The following PCDH19 variants were observed in gnomAD, a reference collection of about 807,000 sequenced individuals.
PCDH19 encodes protocadherin 19.
In PCDH19, 6 loss-of-function variants were observed where a neutral mutation model predicts 46.2. The ratio of observed to expected loss-of-function variants is 0.13; its 90% CI spans 0.07 to 0.26. The LOEUF (loss-of-function observed/expected upper bound fraction) is 0.26, where lower values mean the gene tolerates loss of function less well. Among genes scored for constraint, PCDH19 ranks in the 10% least tolerant of loss-of-function variants. PCDH19 has a pLI of 1.00. For synonymous variants in PCDH19, 481 were observed against 415.7 expected (o/e 1.16, Z -1.91); for missense variants, 740 against 972.3 (o/e 0.76, Z 3.18).
chrX:100,405,258 G>A (rs1047159533), intron 1 of PCDH19, among the ~76,000 whole-genome samples: 1 of 112,330 alleles, frequency 8.9e-6, no homozygotes. Context: ...ACACACTGAT[G>A]TGTAGGTGTG....
At chrX:100,343,291 C>T (rs1209625125) in intron 4 of PCDH19, among the ~76,000 whole-genome samples, 1 of 111,384 alleles carries the variant, frequency 9.0e-6, no homozygotes, top group Non-Finnish European at 1.9e-5. Flanking sequence ...AAGCCCATAC[C>T]TTACAATAAA....
chrX:100,305,372 A>G (rs1358636855), intron 5 of PCDH19, among the ~76,000 whole-genome samples: 1 of 111,794 alleles, frequency 8.9e-6, no homozygotes, highest in Non-Finnish European at 1.9e-5. Context: ...ACAAATGCTG[A>G]CAGAATTCGC....
chrX:100,356,546 G>A (rs1251187289), intron 3 of PCDH19, among the ~76,000 whole-genome samples: 1 of 111,367 alleles, frequency 9.0e-6, no homozygotes, highest in Non-Finnish European at 1.9e-5. Flanking sequence ...TAAAGCTGAC[G>A]TGCCTCCAGC....
intron 3 of PCDH19, among the ~76,000 whole-genome samples, chrX:100,389,773 T>A (rs1261517697): frequency 1.8e-5 from 2 of 111,988 alleles, no homozygotes; most frequent in Non-Finnish European, 3.8e-5. Context: ...GCTTATTTTT[T>A]AATTTAGTTT....
chrX:100,403,040 A>T (rs1013529022), intron 2 of PCDH19, among the ~76,000 whole-genome samples, 189 bp from the exon 3 acceptor site: 2 of 111,324 alleles, frequency 1.8e-5, no homozygotes, highest in African/African-American at 3.3e-5. Context: ...TAAACTTTTC[A>T]TATTAAACAT....
intron 5 of PCDH19, among the ~76,000 whole-genome samples, chrX:100,331,338 G>A (rs1184224958): frequency 4.5e-5 from 5 of 111,745 alleles, no homozygotes; most frequent in Non-Finnish European, 9.4e-5. Context: ...GGTCTATGGG[G>A]TTCCACTTTG....
At chrX:100,392,043 G>C (rs1927879204) in intron 3 of PCDH19, among the ~76,000 whole-genome samples, 1 of 111,727 alleles carries the variant, frequency 9.0e-6, no homozygotes, top group Non-Finnish European at 1.9e-5. Context: ...TACAGGTACG[G>C]ATTTTTCTCC....
chrX:100,300,204 G>C (rs1050115824), intron 5 of PCDH19, among the ~76,000 whole-genome samples: 2 of 112,204 alleles, frequency 1.8e-5, no homozygotes, highest in Admixed American at 1.9e-4. Flanking sequence ...AAATTGTGTA[G>C]TAAATGTGAG....
At chrX:100,397,012 TG>T (rs1928045488) in intron 3 of PCDH19, among the ~76,000 whole-genome samples, 2 of 111,920 alleles carry the variant, frequency 1.8e-5, no homozygotes, top group Admixed American at 9.4e-5. Context: ...CTAAAGGGTT[TG>T]TTGGTTTCTT....
intron 3 of PCDH19, among the ~76,000 whole-genome samples, chrX:100,395,709 C>T (rs753475902): frequency 1.8e-5 from 2 of 113,236 alleles, no homozygotes; most frequent in Admixed American, 9.3e-5. Flanking sequence ...CCGGAGTTGG[C>T]AGAGTTGCTG....
chrX:100,376,691 T>C, intron 3 of PCDH19, among the ~76,000 whole-genome samples: 1 of 111,295 alleles, frequency 9.0e-6, no homozygotes, highest in Non-Finnish European at 1.9e-5. Flanking sequence ...TTTTTCTTTA[T>C]CTACAGCAAA....
chrX:100,321,924 G>C (rs1276151212), intron 5 of PCDH19, among the ~76,000 whole-genome samples: 7 of 106,576 alleles, frequency 6.6e-5, no homozygotes, highest in Admixed American at 2.0e-4. Context: ...TGAGTAGCTG[G>C]GACTACAGGC....
At chrX:100,317,999 AG>A (rs1309253280) in intron 5 of PCDH19, among the ~76,000 whole-genome samples, 1 of 112,241 alleles carries the variant, frequency 8.9e-6, no homozygotes, top group Non-Finnish European at 1.9e-5. Context: ...ATGAGATATA[AG>A]CTAGATCTAC....
chrX:100,391,492 T>C (rs1260242081), intron 3 of PCDH19, among the ~76,000 whole-genome samples: 1 of 112,024 alleles, frequency 8.9e-6, no homozygotes, highest in Non-Finnish European at 1.9e-5. Flanking sequence ...TACCTATTGT[T>C]TCACCTGCCA....
chrX:100,393,840 A>G (rs188137084), intron 3 of PCDH19, among the ~76,000 whole-genome samples: 166 of 111,986 alleles, frequency 1.5e-3, no homozygotes, highest in Non-Finnish European at 1.9e-3. Context: ...GACTATGCAC[A>G]TCAAGACAGT....
intron 5 of PCDH19, among the ~76,000 whole-genome samples, chrX:100,339,914 TATGTGTGTGTATGC>T (rs1926204109): frequency 8.9e-6 from 1 of 112,124 alleles, no homozygotes; most frequent in African/African-American, 3.2e-5. Flanking sequence ...AGAAAGTGTG[TATGTGTGTGTATGC>T]ATGTGTGTGT....
chrX:100,392,829 G>A (rs1274328619), intron 3 of PCDH19, among the ~76,000 whole-genome samples: 1 of 111,341 alleles, frequency 9.0e-6, no homozygotes, highest in Admixed American at 9.5e-5. Flanking sequence ...GCTAGATTAC[G>A]GACATTTTTA....
chrX:100,404,869 C>G (rs1928299511), intron 1 of PCDH19, among the ~76,000 whole-genome samples: 2 of 111,894 alleles, frequency 1.8e-5, no homozygotes, highest in African/African-American at 6.5e-5. Flanking sequence ...CCACATTTTT[C>G]TCCTATAAAA....
At position 100,311,138 on chromosome X, in the gene PCDH19, G is replaced by A. The variant is rs1290137236; in HGVS notation, c.2849-14263C>T. Among the ~76,000 whole-genome samples the A allele has an allele frequency of 5.4e-5, 6 of 111,037 alleles. No individual in the cohort carries two copies. In the South Asian group the frequency reaches 1.9e-3, roughly 35 times the overall value. The stretch of plus-strand genomic sequence containing the variant: ...AGGGTTTACAGGAGAGAGCTACCGC[G>A]CCCAGTCACAGAGCCTATCACACTT... On this transcript the variant is annotated intron_variant, in intron 5 of 5. Transcript: ENST00000373034.
Sources: gnomAD v4.1 joint callset for allele counts (sites outside exome capture counted in the v4.1 genomes callset) on GRCh38, gnomAD v4.1.1 for gene constraint, MANE v1.5 for transcripts, NCBI Gene and HGNC (gene_info 2026-07-23, HGNC 2026-07-21) for gene names.